Variants in DPP10 observed in about 807,000 individuals in gnomAD.
The protein encoded by DPP10 is dipeptidyl peptidase like 10.
DPP10 carries 33 observed loss-of-function variants against 120.9 expected under a neutral mutation model. The observed-to-expected ratio is 0.27, with a 90% confidence interval of 0.21 to 0.37. The LOEUF (loss-of-function observed/expected upper bound fraction) is 0.37, where lower values mean the gene tolerates loss of function less well. Ranked by LOEUF, DPP10 falls within the 10% of genes least tolerant of loss-of-function variation. The pLI, the probability that DPP10 is intolerant of heterozygous loss-of-function variation, is 1.00. For synonymous variants in DPP10, 337 were observed against 326.1 expected (o/e 1.03, Z -0.36); for missense variants, 816 against 942.8 (o/e 0.87, Z 1.76).
At chr2:114,443,983 T>C (rs1677803337) in intron 1 of DPP10, among the ~76,000 whole-genome samples, 1 of 152,174 alleles carries the variant, frequency 6.6e-6, no homozygotes, top group Non-Finnish European at 1.5e-5. Context: ...AAACTAAACA[T>C]GTTCCTCTAT....
intron 1 of DPP10, among the ~76,000 whole-genome samples, chr2:115,073,320 G>A (rs1707524060): frequency 6.6e-6 from 1 of 152,190 alleles, no homozygotes; most frequent in African/African-American, 2.4e-5. Flanking sequence ...ATTCCACCTT[G>A]AGAAGTTATG....
At chr2:114,889,679 GA>G (rs76265164) in intron 1 of DPP10, among the ~76,000 whole-genome samples, 1 of 151,310 alleles carries the variant, frequency 6.6e-6, no homozygotes, top group Non-Finnish European at 1.5e-5. Context: ...TGCTGTATCA[GA>G]AAAAAAATGG....
intron 1 of DPP10, among the ~76,000 whole-genome samples, chr2:114,635,676 A>T (rs1202378032): frequency 1.3e-5 from 2 of 151,902 alleles, no homozygotes; most frequent in African/African-American, 2.4e-5. Context: ...CAGATCTCAA[A>T]CTTTTTATCT....
chr2:115,200,397 T>C (rs868108490), intron 1 of DPP10, among the ~76,000 whole-genome samples: 41 of 152,144 alleles, frequency 2.7e-4, no homozygotes, highest in East Asian at 1.2e-3. Context: ...AATTTTTTTT[T>C]CCCCCAAAGT....
chr2:114,670,143 C>T (rs1698221219), intron 1 of DPP10, among the ~76,000 whole-genome samples: 1 of 152,080 alleles, frequency 6.6e-6, no homozygotes, highest in African/African-American at 2.4e-5. Context: ...CCAGAAATAC[C>T]ATTTGACCCA....
At chr2:115,774,241 C>CACACACACACA (rs55681103) in intron 13 of DPP10, among the ~76,000 whole-genome samples, 1 of 144,260 alleles carries the variant, frequency 6.9e-6, no homozygotes, top group African/African-American at 2.5e-5. Context: ...CACACACACA[C>CACACACACACA]CAAAATACTC....
chr2:115,341,820 T>G (rs920466856), intron 2 of DPP10, among the ~76,000 whole-genome samples: 1 of 152,062 alleles, frequency 6.6e-6, no homozygotes, highest in Non-Finnish European at 1.5e-5. Flanking sequence ...ATTAAAAAAA[T>G]GTATCTATTT....
chr2:114,674,150 T>C (rs1229647656), intron 1 of DPP10, among the ~76,000 whole-genome samples: 1 of 152,052 alleles, frequency 6.6e-6, no homozygotes, highest in African/African-American at 2.4e-5. Context: ...CATGATCCTA[T>C]CCTCATTGTT....
chr2:115,143,939 G>A (rs2051071333), intron 1 of DPP10: 1 of 151,522 alleles, frequency 6.6e-6, no homozygotes, highest in Non-Finnish European at 1.5e-5. Context: ...TTGTATCCTT[G>A]TCCTAGATCC....
At chr2:115,091,753 A>G (rs1709283988) in intron 1 of DPP10, among the ~76,000 whole-genome samples, 1 of 152,206 alleles carries the variant, frequency 6.6e-6, no homozygotes, top group Non-Finnish European at 1.5e-5. Flanking sequence ...TTGGTGTCCT[A>G]TGACCTGCAG....
intron 1 of DPP10, among the ~76,000 whole-genome samples, chr2:114,737,079 T>A (rs1677513974): frequency 6.6e-6 from 1 of 152,216 alleles, no homozygotes; most frequent in South Asian, 2.1e-4. Context: ...ATGCTTATGA[T>A]CTTTAGGAAT....
At chr2:115,715,360 A>AAAAGAAAG (rs1553486734) in intron 7 of DPP10, among the ~76,000 whole-genome samples, 4 of 135,452 alleles carry the variant, frequency 3.0e-5, no homozygotes, top group Non-Finnish European at 3.3e-5. Flanking sequence ...AAAAAAAAAA[A>AAAAGAAAG]AAAGAAAGAA....
At chr2:114,850,311 G>A (rs1574338755) in intron 1 of DPP10, among the ~76,000 whole-genome samples, 2 of 152,048 alleles carry the variant, frequency 1.3e-5, no homozygotes, top group African/African-American at 4.8e-5. Flanking sequence ...ACAGGTGTGT[G>A]CCACCACACC....
chr2:115,349,922 A>G (rs1212747901), intron 3 of DPP10, among the ~76,000 whole-genome samples: 1 of 152,034 alleles, frequency 6.6e-6, no homozygotes, highest in Non-Finnish European at 1.5e-5. Context: ...AGTCAAAATT[A>G]TCTTATGTTT....
At chr2:115,805,575 A>AT (rs34290717) in intron 19 of DPP10, among the ~76,000 whole-genome samples, 17,694 of 134,226 alleles carry the variant, frequency 0.13, 1,309 homozygotes, top group African/African-American at 0.2. Context: ...CTTGGCTCCC[A>AT]TTTTTTTTTT....
chr2:115,135,291 T>C (rs1423704060), intron 1 of DPP10, among the ~76,000 whole-genome samples: 2 of 152,010 alleles, frequency 1.3e-5, no homozygotes, highest in Non-Finnish European at 2.9e-5. Context: ...GCTTTTCTAC[T>C]TCCTTCTGCA....
chr2:115,387,032 G>A lies in DPP10; in HGVS notation c.271+43120G>A, dbSNP rs562142478. ...ATGTCAGTATGTATCTTTCTTTTCCGTTTTGAATGAAAAATTTCAACATAT... is the reference window on the plus strand; with the variant it reads ...ATGTCAGTATGTATCTTTCTTTTCCATTTTGAATGAAAAATTTCAACATAT... On this transcript the variant is annotated intron_variant, in intron 3 of 25. Coordinates refer to ENST00000410059, the MANE Select transcript of DPP10 (RefSeq NM_020868.6). 9.9e-5 allele frequency among the ~76,000 whole-genome samples: 15 copies of A among 152,042 alleles called. No individual in the cohort carries two copies. In the South Asian group the frequency reaches 1.0e-3, roughly 11 times the overall value.
At chr2:114,885,857 C>A (rs1323938188) in intron 1 of DPP10, among the ~76,000 whole-genome samples, 1 of 152,152 alleles carries the variant, frequency 6.6e-6, no homozygotes, top group Non-Finnish European at 1.5e-5. Flanking sequence ...TGTGTCACCA[C>A]AAGCAAATTA....
At chr2:114,970,273 A>C (rs1699306890) in intron 1 of DPP10, among the ~76,000 whole-genome samples, 1 of 152,182 alleles carries the variant, frequency 6.6e-6, no homozygotes, top group Non-Finnish European at 1.5e-5. Context: ...GTAAAGGTGA[A>C]GTCTGTGACA....
Sources: allele counts gnomAD v4.1 joint callset (sites outside exome capture counted in the v4.1 genomes callset), GRCh38; gene constraint gnomAD v4.1.1; transcripts MANE v1.5; gene names NCBI Gene and HGNC (gene_info 2026-07-23, HGNC 2026-07-21).